The following PPP1R3F variants were observed in gnomAD, a reference collection of about 807,000 sequenced individuals.
The protein encoded by PPP1R3F is protein phosphatase 1, regulatory (inhibitor) subunit 3F.
A neutral mutation model predicts 24.2 loss-of-function variants in PPP1R3F; 29 were observed. The ratio of observed to expected loss-of-function variants is 1.20; its 90% confidence interval spans 0.89 to 1.63. PPP1R3F has a LOEUF of 1.63. Ranked by LOEUF, PPP1R3F falls within the 40% of genes most tolerant of loss-of-function variation. PPP1R3F has a pLI of 0.00. For missense variants in PPP1R3F, 823 were observed against 729.3 expected (o/e 1.13, Z -1.48); for synonymous variants, 363 against 340.1 (o/e 1.07, Z -0.74).
chrX:49,286,251 T>A lies in PPP1R3F; in HGVS notation c.1561T>A (p.Ser521Thr). The change falls in exon 4 of 4, where the codon TCC becomes ACC. Residue 521 changes from serine to threonine, a missense_variant. Coordinates refer to ENST00000055335, the MANE Select transcript of PPP1R3F (RefSeq NM_033215.5). ...GGEGSTDGGM[S>T]PSHPLGILTD... ...GGAGGGCTCCACAGATGGAGGGATG[T>A]CCCCCAGCCATCCCCTGGGCATACT... 8.3e-7 allele frequency: 1 copy of A among 1,209,479 alleles called. No homozygotes were observed. Among genetic ancestry groups the A allele is most frequent in the East Asian group, 3.0e-5 (1 of 33,799 alleles).
At chrX:49,298,632 G>A (rs1454753830) in intron 3 of PPP1R3F, among the ~76,000 whole-genome samples, 4 of 111,578 alleles carry the variant, frequency 3.6e-5, no homozygotes, top group African/African-American at 1.3e-4. Context: ...CATTCTCCCC[G>A]TCACTTTCAG....
At chrX:49,294,802 C>A (rs1426695603) in intron 3 of PPP1R3F, among the ~76,000 whole-genome samples, 1 of 107,059 alleles carries the variant, frequency 9.3e-6, no homozygotes, top group Non-Finnish European at 1.9e-5. Flanking sequence ...CCCAGCTACT[C>A]GGGAGGCTGA....
intron 3 of PPP1R3F, among the ~76,000 whole-genome samples, chrX:49,283,834 A>G (rs1038500424): frequency 4.5e-5 from 5 of 110,873 alleles, no homozygotes; most frequent in African/African-American, 1.3e-4. Flanking sequence ...GTATTAAACG[A>G]ATGTATTTAA....
downstream of PPP1R3F, among the ~76,000 whole-genome samples, chrX:49,292,977 G>A (rs2066313273): frequency 8.9e-6 from 1 of 112,229 alleles, no homozygotes; most frequent in South Asian, 3.7e-4. Context: ...AGGCATGGCC[G>A]GGGCTGCCTT....
At chrX:49,293,679 T>C (rs782041984) in intron 3 of PPP1R3F, among the ~76,000 whole-genome samples, 1 of 112,316 alleles carries the variant, frequency 8.9e-6, no homozygotes, top group East Asian at 2.8e-4. Flanking sequence ...TACATACACC[T>C]GTGTTAAAAC....
At chrX:49,279,304 CAG>C (rs1215690851) in intron 1 of PPP1R3F, among the ~76,000 whole-genome samples, 2 of 112,212 alleles carry the variant, frequency 1.8e-5, no homozygotes, top group Non-Finnish European at 1.9e-5. Context: ...GCACTTAGAA[CAG>C]TGTGTAATGC....
Position 49,270,060 on chromosome X carries a change from A to T in PPP1R3F, c.191A>T (p.Lys64Met). The T allele has an allele frequency of 1.0e-6, 1 of 988,222 alleles. No individual in the cohort carries two copies. The highest frequency in any genetic ancestry group is 5.6e-5 in the Admixed American group (1 of 17,727). The allele number at this position is 988,222 out of a possible 1,213,427, so 81.4% of individuals were successfully genotyped here. The change falls in exon 1 of 4, where the codon AAG becomes ATG. Residue 64 changes from lysine (K) to methionine (M), a missense_variant. Transcript: ENST00000055335. ...CCGTGGGGCGGGCCCGGGGCGGGCA[A>T]GATGGCGGCGGCGGCCGGGCAAGAT... is the stretch of plus-strand genomic sequence containing the variant. ...YRPWGGPGAG[K>M]MAAAAGQDGG...
Position 49,270,626 on chromosome X carries a change from G to A in PPP1R3F, c.757G>A (p.Ala253Thr). The A allele has an allele frequency of 3.3e-6, 4 of 1,206,838 alleles. No homozygotes were observed. Among genetic ancestry groups the A allele is most frequent in the African/African-American group, 1.7e-5 (1 of 57,971 alleles). The change falls in exon 1 of 4, where the codon GCG (alanine) becomes ACG (threonine). Residue 253 changes from alanine (A) to threonine (T), a missense_variant. Coordinates refer to ENST00000055335, the MANE Select transcript of PPP1R3F (RefSeq NM_033215.5). ...CTTCCAGCTGCCCTTTGCTGAGGGC[G>A]CGGGCGATGGGGCGCGCCTCGACTT... ...FAFQLPFAEGAGDGARLDFVV... is the reference protein window; with the variant it reads ...FAFQLPFAEGTGDGARLDFVV...
rs1557119148 is a variant in PPP1R3F at position 49,270,819 on chromosome X, C to T, written c.950C>T (p.Pro317Leu). The change falls in exon 1 of 4, where the codon CCC (proline) becomes CTC (leucine). Residue 317 changes from proline (P) to leucine (L), a missense_variant. Coordinates refer to ENST00000055335, the MANE Select transcript of PPP1R3F (RefSeq NM_033215.5). Reference sequence around the variant, plus strand: ...GAGCCACAGCCCGAGTGCCAGGGTCCCGTGGAGGCTGAGGCCAGGCAGCTG... The same window carrying T: ...GAGCCACAGCCCGAGTGCCAGGGTCTCGTGGAGGCTGAGGCCAGGCAGCTG... The part of the protein sequence containing the change: ...QLEPQPECQG[P>L]VEAEARQLKS... The T allele has an allele frequency of 8.4e-7, 1 of 1,190,437 alleles. No homozygotes were observed. The highest frequency in any genetic ancestry group is 1.1e-6 in the Non-Finnish European group (1 of 884,765).
downstream of PPP1R3F, among the ~76,000 whole-genome samples, chrX:49,291,316 C>CTCTCTCTCTCTCTCTCTCTGTCTGTCTG (rs782097550): frequency 5.7e-5 from 5 of 88,383 alleles, no homozygotes; most frequent in Admixed American, 2.5e-4. Flanking sequence ...CTCTCTCTCT[C>CTCTCTCTCTCTCTCTCTCTGTCTGTCTG]TCTCTCTCTC....
At chrX:49,283,987 G>A (rs1229831975) in intron 3 of PPP1R3F, among the ~76,000 whole-genome samples, 1 of 111,614 alleles carries the variant, frequency 9.0e-6, no homozygotes. Context: ...TGCAGAAAAA[G>A]CAGTGTAAAT....
chrX:49,279,733 G>A (rs1474367359), intron 1 of PPP1R3F, among the ~76,000 whole-genome samples: 11 of 112,753 alleles, frequency 9.8e-5, no homozygotes, highest in Non-Finnish European at 2.1e-4. Flanking sequence ...ATGTCACATT[G>A]CCTCTTAGGA....
chrX:49,276,978 C>G (rs1359541866), intron 1 of PPP1R3F, among the ~76,000 whole-genome samples: 6 of 112,520 alleles, frequency 5.3e-5, no homozygotes, highest in African/African-American at 1.9e-4. Context: ...CCGGGGTCTG[C>G]TGAGTTTCCC....
intron 3 of PPP1R3F, among the ~76,000 whole-genome samples, chrX:49,298,205 C>T (rs1487573524): frequency 1.8e-5 from 2 of 112,033 alleles, no homozygotes; most frequent in Non-Finnish European, 3.8e-5. Context: ...GTAAGGCAGG[C>T]CTGGTGGCGA....
rs781904187 is a variant in PPP1R3F, at chrX:49,276,591, A to G, written c.1005-4815A>G. Among the ~76,000 whole-genome samples the G allele has an allele frequency of 1.1e-4, 12 of 112,660 alleles. No individual in the cohort carries two copies. The East Asian group carries it at 3.1e-3, about 29-fold the overall frequency. On this transcript the variant is annotated intron_variant, in intron 1 of 3. Transcript: ENST00000055335. Reference sequence around the variant, plus strand: ...TAAGTATTGTTTCACTCGAAGAACAACCATTTTTCAGTTATTTATATGTCT... The same window carrying G: ...TAAGTATTGTTTCACTCGAAGAACAGCCATTTTTCAGTTATTTATATGTCT...
At chrX:49,294,652 G>A (rs1051564930) in intron 3 of PPP1R3F, among the ~76,000 whole-genome samples, 10 of 108,831 alleles carry the variant, frequency 9.2e-5, no homozygotes, top group Middle Eastern at 4.7e-3. Context: ...GCTCACGCCT[G>A]TAATCCCAGC....
chrX:49,291,316 C>CTCTCTCTCTCTCTCTCTG (rs782097550), downstream of PPP1R3F, among the ~76,000 whole-genome samples: 3 of 88,350 alleles, frequency 3.4e-5, no homozygotes, highest in Admixed American at 1.3e-4. Flanking sequence ...CTCTCTCTCT[C>CTCTCTCTCTCTCTCTCTG]TCTCTCTCTC....
intron 3 of PPP1R3F, among the ~76,000 whole-genome samples, chrX:49,285,057 A>T (rs928791791): frequency 9.0e-5 from 10 of 110,616 alleles, no homozygotes; most frequent in African/African-American, 3.3e-4. Flanking sequence ...AATTTTTTTA[A>T]TTTTTAATTT....
chrX:49,270,355 G>A lies in PPP1R3F; in HGVS notation c.486G>A (p.Pro162=), dbSNP rs1387717371. 3.5e-6 allele frequency: 4 copies of A among 1,146,490 alleles called. No individual in the cohort carries two copies. The highest frequency in any genetic ancestry group is 1.9e-5 in the South Asian group (1 of 51,818). 94.5% of individuals were successfully genotyped at this position (1,146,490 alleles called of 1,213,427 possible). A position where few individuals can be genotyped will look rare whatever the true frequency, so the allele number is the denominator to read the frequency against. ...AGVWVPGGRP[P]VLRGLVRVLN... is the part of the protein sequence containing the mutation. ...TGTGGGTGCCTGGGGGCCGCCCGCC[G>A]GTGCTGCGCGGGTTGGTACGCGTGC... Residue 162 remains proline (P), a synonymous_variant, in exon 1 of 4, where the codon CCG becomes CCA. Coordinates refer to ENST00000055335, the MANE Select transcript of PPP1R3F (RefSeq NM_033215.5).
Sources: gnomAD v4.1 joint callset for allele counts (sites outside exome capture counted in the v4.1 genomes callset) on GRCh38, gnomAD v4.1.1 for gene constraint, MANE v1.5 for transcripts, NCBI Gene and HGNC (gene_info 2026-07-23, HGNC 2026-07-21) for gene names.